Variants in TMTC2 observed in about 807,000 individuals in gnomAD.
TMTC2 encodes the protein transmembrane O-mannosyltransferase targeting cadherins 2.
TMTC2 carries 43 observed loss-of-function variants against 82.4 expected under a neutral mutation model. The observed-to-expected ratio is 0.52, with a 90% CI of 0.41 to 0.67. The LOEUF (loss-of-function observed/expected upper bound fraction) is 0.67. TMTC2 is among the 30% of genes least tolerant of loss of function. The probability of loss-of-function intolerance (pLI) is 0.00; values close to 1 mark genes in which losing one functional copy is unlikely to be tolerated. For missense variants in TMTC2, 919 were observed against 1,012.4 expected, an observed-to-expected ratio of 0.91 and a Z score of 1.25; for synonymous variants, 408 against 381.9, an observed-to-expected ratio of 1.07 and a Z score of -0.80.
chr12:82,913,068 C>A lies in TMTC2; in HGVS notation c.1483+16422C>A, dbSNP rs190211048. ...TAGTATATTACGATTACTGTACAAACCCATGTATTCTGCATTTTTCTTATC... is the reference window on the plus strand; with the variant it reads ...TAGTATATTACGATTACTGTACAAAACCATGTATTCTGCATTTTTCTTATC... On this transcript the variant is annotated intron_variant, in intron 3 of 11. Coordinates refer to ENST00000321196, the MANE Select transcript of TMTC2 (RefSeq NM_152588.3). Among the ~76,000 whole-genome samples the A allele has an allele frequency of 1.7e-4, 25 of 150,984 alleles. No homozygotes were observed. In the East Asian group the frequency reaches 4.8e-3, roughly 29 times the overall value.
rs1472586258 is a variant in TMTC2, at chr12:83,030,891, A to G, written c.2152+12A>G. The G allele has an allele frequency of 3.1e-6, 5 of 1,602,748 alleles. No homozygotes were observed. Among genetic ancestry groups the G allele is most frequent in the African/African-American group, 1.3e-5 (1 of 74,726 alleles). On this transcript the variant is annotated intron_variant, in intron 9 of 11. Transcript: ENST00000321196. ...TTACATGCATTATGGTGAGTGGTTG[A>G]TAGTTTTTTTTCCATGTCCCCCACA...
rs181221597 is a variant in TMTC2, at chr12:82,752,481, A to G, written c.83+64812A>G. Among the ~76,000 whole-genome samples the G allele has an allele frequency of 7.9e-3, 1,203 of 152,150 alleles. 8 individuals are homozygous for G. The highest frequency in any genetic ancestry group is 0.012 in the Non-Finnish European group (820 of 67,986). On this transcript the variant is annotated intron_variant, in intron 1 of 11. Transcript: ENST00000321196. ...AGCCTGGGCGACAGAGCGAGACTCC[A>G]TCTCAAAAACAAAACAAAACAAAAC...
intron 10 of TMTC2, 111 bp downstream of exon 10, chr12:83,051,129 G>A (rs1012366290): frequency 5.6e-5 from 38 of 682,172 alleles, no homozygotes; most frequent in Middle Eastern, 5.9e-4. Context: ...AGTCAATCAC[G>A]CTGCTTAACT....
At chr12:82,985,854 A>T in intron 7 of TMTC2, 71 bp from the exon 8 acceptor site, 2 of 1,551,666 alleles carry the variant, frequency 1.3e-6, no homozygotes, top group Non-Finnish European at 1.8e-6. Context: ...GATGATGATG[A>T]TGATGCTGTT....
intron 1 of TMTC2, among the ~76,000 whole-genome samples, chr12:82,716,584 G>T (rs552482361): frequency 6.6e-6 from 1 of 152,064 alleles, no homozygotes; most frequent in East Asian, 1.9e-4. Flanking sequence ...GGATGGTCTC[G>T]ATCTCCTGAC....
intron 8 of TMTC2, among the ~76,000 whole-genome samples, chr12:83,019,842 T>C (rs1421522926): frequency 6.6e-6 from 1 of 152,150 alleles, no homozygotes; most frequent in Non-Finnish European, 1.5e-5. Flanking sequence ...CAGAGTGATA[T>C]TCATAAAACA....
chr12:82,820,740 C>T (rs1298311813), intron 1 of TMTC2, among the ~76,000 whole-genome samples: 2 of 152,222 alleles, frequency 1.3e-5, no homozygotes, highest in Non-Finnish European at 2.9e-5. Context: ...TACAAACATA[C>T]TATTGATCCT....
At chr12:82,694,092 A>T (rs1266124114) in intron 1 of TMTC2, among the ~76,000 whole-genome samples, 1 of 152,130 alleles carries the variant, frequency 6.6e-6, no homozygotes, top group Non-Finnish European at 1.5e-5. Flanking sequence ...GGAAACAATT[A>T]AGTAAACCTA....
In TMTC2 at chr12:83,134,234, C is replaced by T. The variant is rs144592186; in HGVS notation, c.*1845C>T. 6.6e-6 allele frequency: 1 copy of T among 150,634 alleles called. No individual in the cohort carries two copies. The highest frequency in any genetic ancestry group is 2.5e-5 in the African/African-American group (1 of 40,754). The allele number at this position is 150,634 out of a possible 1,614,324, so 9.3% of individuals were successfully genotyped here. A position where few individuals can be genotyped will look rare whatever the true frequency, so the allele number is the denominator to read the frequency against. On this transcript the variant is annotated 3_prime_UTR_variant, in exon 12 of 12. Coordinates refer to ENST00000321196, the MANE Select transcript of TMTC2 (RefSeq NM_152588.3). ...TGATATTTAACAACAAACCCGTGGT[C>T]AAACCAAAATAGTGGGTTGAAGTGT...
chr12:82,820,735 A>T (rs543451474), intron 1 of TMTC2, among the ~76,000 whole-genome samples: 61 of 152,330 alleles, frequency 4.0e-4, no homozygotes, highest in Middle Eastern at 3.4e-3. Flanking sequence ...ACTTTTACAA[A>T]CATACTATTG....
At chr12:83,019,446 A>G (rs1880818691) in intron 8 of TMTC2, among the ~76,000 whole-genome samples, 1 of 152,116 alleles carries the variant, frequency 6.6e-6, no homozygotes, top group African/African-American at 2.4e-5. Context: ...TCAGCATTAG[A>G]CACAATCAAC....
chr12:82,751,566 A>G (rs561670530), intron 1 of TMTC2, among the ~76,000 whole-genome samples: 1 of 152,148 alleles, frequency 6.6e-6, no homozygotes, highest in East Asian at 1.9e-4. Flanking sequence ...AATAAAATAT[A>G]TAAAGTTATT....
intron 10 of TMTC2, among the ~76,000 whole-genome samples, chr12:83,057,502 A>G (rs1882589634): frequency 6.6e-6 from 1 of 151,788 alleles, no homozygotes; most frequent in South Asian, 2.1e-4. Flanking sequence ...CATATGTATG[A>G]CTCTGGTTTC....
chr12:82,973,990 G>T (rs1304239122), intron 7 of TMTC2, among the ~76,000 whole-genome samples: 2 of 152,036 alleles, frequency 1.3e-5, no homozygotes, highest in Non-Finnish European at 2.9e-5. Flanking sequence ...GAATTATAAG[G>T]GTACAAATAT....
Position 83,132,430 on chromosome 12 carries a change from T to C in TMTC2, c.*41T>C. 6.2e-7 allele frequency: 1 copy of C among 1,606,484 alleles called. No homozygotes were observed. Among genetic ancestry groups the C allele is most frequent in the Admixed American group, 1.7e-5 (1 of 58,540 alleles). On this transcript the variant is annotated 3_prime_UTR_variant, in exon 12 of 12. Transcript: ENST00000321196. ...CCCATCCTCCTCCATTTTTAAAAGC[T>C]GGCTTCCTTAGCAGACAGAACTTCC...
At chr12:82,754,729 T>G (rs1387023157) in intron 1 of TMTC2, among the ~76,000 whole-genome samples, 1 of 128,070 alleles carries the variant, frequency 7.8e-6, no homozygotes, top group African/African-American at 2.7e-5. Context: ...AGAGCAAGAC[T>G]TCATCTCAAA....
intron 1 of TMTC2, among the ~76,000 whole-genome samples, chr12:82,719,138 G>A (rs2136924032): frequency 8.6e-6 from 1 of 115,624 alleles, no homozygotes; most frequent in East Asian, 2.8e-4. Context: ...CTGTCACCCA[G>A]GCTAGAGTGC....
chr12:82,718,183 A>C (rs1485799571), intron 1 of TMTC2, among the ~76,000 whole-genome samples: 1 of 152,218 alleles, frequency 6.6e-6, no homozygotes, highest in African/African-American at 2.4e-5. Flanking sequence ...ACACAGAATT[A>C]GGCAGTATCC....
At chr12:82,964,004 T>C (rs1194387818) in intron 4 of TMTC2, among the ~76,000 whole-genome samples, 1 of 151,424 alleles carries the variant, frequency 6.6e-6, no homozygotes, top group Non-Finnish European at 1.5e-5. Context: ...ATAATGTATT[T>C]TAAAATGCTT....
Sources: allele counts gnomAD v4.1 joint callset (sites outside exome capture counted in the v4.1 genomes callset), GRCh38; gene constraint gnomAD v4.1.1; transcripts MANE v1.5; gene names NCBI Gene and HGNC (gene_info 2026-07-23, HGNC 2026-07-21).